Variants in NUFIP2 observed in about 807,000 individuals in gnomAD.
NUFIP2 encodes the protein FMR1-interacting protein NUFIP2.
A neutral mutation model predicts 56.9 loss-of-function variants in NUFIP2; 6 were observed. That is an observed-to-expected ratio of 0.11 (90% CI 0.06 to 0.21). The LOEUF is 0.21. Among genes scored for constraint, NUFIP2 ranks in the 10% least tolerant of loss-of-function variants. The pLI, the probability that NUFIP2 is intolerant of heterozygous loss-of-function variation, is 1.00. For missense variants in NUFIP2, 828 were observed against 826.8 expected (o/e 1.00, Z -0.02); for synonymous variants, 321 against 298.2 (o/e 1.08, Z -0.79).
chr17:29,291,377 C>A (rs1409990847), intron 1 of NUFIP2, among the ~76,000 whole-genome samples: 2 of 152,164 alleles, frequency 1.3e-5, no homozygotes, highest in African/African-American at 2.4e-5. Context: ...GGTTTGTGAG[C>A]AATGGATTAC....
At position 29,286,637 on chromosome 17, in the gene NUFIP2, C is replaced by A; in HGVS notation, c.1357G>T (p.Val453Phe). The A allele has an allele frequency of 1.2e-6, 2 of 1,614,148 alleles. No individual in the cohort carries two copies. Among genetic ancestry groups the A allele is most frequent in the South Asian group, 2.2e-5 (2 of 91,082 alleles). Residue 453 changes from valine to phenylalanine, a missense_variant, in exon 2 of 4, where the codon GTT (valine) becomes TTT (phenylalanine). Physicochemically the swap from Val to Phe is conservative, Grantham distance 50 (BLOSUM62 -1). Around this residue, in one of 3 missense-constraint regions of NUFIP2, gnomAD observed 404 missense variants for 380.3 expected, o/e 1.06. Transcript: ENST00000225388. ...LTPISSGTDS[V>F]LQDMSLTSAA... ...GAAGTTAGACTCATGTCCTGGAGAACTGAATCTGTCCCAGAAGAGATGGGT... is the reference window on the plus strand; with the variant it reads ...GAAGTTAGACTCATGTCCTGGAGAAATGAATCTGTCCCAGAAGAGATGGGT...
intron 3 of NUFIP2, 105 bp from the exon 4 acceptor site, chr17:29,264,696 T>A: frequency 6.1e-6 from 4 of 658,460 alleles, no homozygotes; most frequent in Non-Finnish European, 1.1e-5. Context: ...CCAATTTTTT[T>A]ATGAAAACAA....
At chr17:29,281,389 G>A (rs1335095957) in intron 2 of NUFIP2, among the ~76,000 whole-genome samples, 1 of 152,020 alleles carries the variant, frequency 6.6e-6, no homozygotes, top group African/African-American at 2.4e-5. Context: ...CTACTCAGGA[G>A]GCTGAGGCAG....
chr17:29,264,647 A>G lies in NUFIP2; in HGVS notation c.2036-56T>C. 3 of 1,115,724 alleles carry G rather than the reference A, an allele frequency of 2.7e-6. No homozygotes were observed. In the Admixed American group the frequency reaches 5.2e-5, roughly 19 times the overall value. The allele number at this position is 1,115,724 out of a possible 1,614,324, so 69.1% of individuals were successfully genotyped here. ...AGGTCTAGAATCTCAAAATGCCCGT[A>G]TTCCAATAACAATCCCAAATAACCA... is the stretch of plus-strand genomic sequence containing the variant. On this transcript the variant is annotated intron_variant, in intron 3 of 3. Coordinates refer to ENST00000225388, the MANE Select transcript of NUFIP2 (RefSeq NM_020772.3).
At chr17:29,277,731 G>A (rs1048703187) in intron 2 of NUFIP2, among the ~76,000 whole-genome samples, 3 of 151,994 alleles carry the variant, frequency 2.0e-5, no homozygotes, top group African/African-American at 7.3e-5. Context: ...CATGTTTTCC[G>A]GCCAGGTGCG....
rs1292562703 is a variant in NUFIP2 at position 29,290,665 on chromosome 17, AAAGAAAGAAAG to A, written c.278-2960_278-2950del. On this transcript the variant is annotated intron_variant, in intron 1 of 3. Transcript: ENST00000225388. ...TAAGGCTGTGTCTCAAAAAAAAAAAAAAGAAAGAAAGAAAGAAAGAAAGAAAAGCATAAAGT... is the reference window on the plus strand; with the variant it reads ...TAAGGCTGTGTCTCAAAAAAAAAAAAAAAGAAAGAAAGAAAAGCATAAAGT... 3.3e-5 allele frequency among the ~76,000 whole-genome samples: 3 copies of A among 90,094 alleles called. No homozygotes were observed. The East Asian group carries it at 1.3e-3, about 38-fold the overall frequency. The allele number at this position is 90,094 out of a possible 152,430, so 59.1% of individuals were successfully genotyped here.
rs776701751 is a variant in NUFIP2, at chr17:29,286,637, C to T, written c.1357G>A (p.Val453Ile). ...GAAGTTAGACTCATGTCCTGGAGAACTGAATCTGTCCCAGAAGAGATGGGT... is the reference window on the plus strand; with the variant it reads ...GAAGTTAGACTCATGTCCTGGAGAATTGAATCTGTCCCAGAAGAGATGGGT... ...LTPISSGTDSVLQDMSLTSAA... is the reference protein window; with the variant it reads ...LTPISSGTDSILQDMSLTSAA... Residue 453 changes from valine to isoleucine, a missense_variant, in exon 2 of 4, where the codon GTT becomes ATT. Around this residue, in one of 3 missense-constraint regions of NUFIP2, gnomAD observed 404 missense variants for 380.3 expected, o/e 1.06. Coordinates refer to ENST00000225388, the MANE Select transcript of NUFIP2 (RefSeq NM_020772.3). The T allele has an allele frequency of 1.2e-6, 2 of 1,614,030 alleles. No homozygotes were observed. Among genetic ancestry groups the T allele is most frequent in the Admixed American group, 1.7e-5 (1 of 59,992 alleles).
At chr17:29,275,735 G>T (rs1701812634) in intron 2 of NUFIP2, among the ~76,000 whole-genome samples, 1 of 151,988 alleles carries the variant, frequency 6.6e-6, no homozygotes, top group African/African-American at 2.4e-5. Context: ...CTTTAAAAAT[G>T]TAAATCTGAC....
chr17:29,293,762 C>T (rs753332068), intron 1 of NUFIP2, 21 bp downstream of exon 1: 6 of 1,539,330 alleles, frequency 3.9e-6, no homozygotes, highest in Non-Finnish European at 5.3e-6. Flanking sequence ...CCCCTTCCCC[C>T]ACCCGTCCTC....
rs1437667912 is a variant in NUFIP2 at position 29,264,127 on chromosome 17, G to C, written c.*412C>G. The C allele has an allele frequency of 6.6e-6, 1 of 152,648 alleles. No individual in the cohort carries two copies. The highest frequency in any genetic ancestry group is 2.4e-5 in the African/African-American group (1 of 41,436). The allele number at this position is 152,648 out of a possible 1,614,324, so 9.5% of individuals were successfully genotyped here. ...CACTTCAGTCACAGAACAAGATACA[G>C]AGATCTTTTAAGTGGATTTGCCTTT... On this transcript the variant is annotated 3_prime_UTR_variant, in exon 4 of 4. Transcript: ENST00000225388.
At chr17:29,292,795 C>T (rs1391638201) in intron 1 of NUFIP2, among the ~76,000 whole-genome samples, 1 of 149,004 alleles carries the variant, frequency 6.7e-6, no homozygotes, top group South Asian at 2.1e-4. Context: ...CGCTTCCCTC[C>T]CCCACCCCAA....
At chr17:29,283,888 T>C (rs2069154843) in intron 2 of NUFIP2, among the ~76,000 whole-genome samples, 1 of 152,226 alleles carries the variant, frequency 6.6e-6, no homozygotes. Context: ...GTAAATGTTA[T>C]CTGTGAGGAT....
At position 29,287,016 on chromosome 17, in the gene NUFIP2, A is replaced by G. The variant is rs754119367; in HGVS notation, c.978T>C (p.Ala326=). 9.9e-6 allele frequency: 16 copies of G among 1,614,228 alleles called. No homozygotes were observed. The highest frequency in any genetic ancestry group is 1.6e-4 in the Middle Eastern group (1 of 6,062). The stretch of plus-strand genomic sequence containing the variant: ...TCCACGAGTCCTCTTTGGAGGCAAC[A>G]GCTGAAGCATGCTTTCCTTTGGGCC... ...DDRPKGKHAS[A]VASKEDSWTL... is the part of the protein sequence containing the mutation. Residue 326 remains alanine, a synonymous_variant, in exon 2 of 4, where the codon GCT becomes GCC. Transcript: ENST00000225388.
chr17:29,284,154 C>A (rs1239727074), intron 2 of NUFIP2, among the ~76,000 whole-genome samples: 1 of 152,152 alleles, frequency 6.6e-6, no homozygotes, highest in Non-Finnish European at 1.5e-5. Flanking sequence ...TTGTAAGTCA[C>A]TGCCTAAATG....
At chr17:29,268,592 A>G (rs1214937295) in intron 2 of NUFIP2, among the ~76,000 whole-genome samples, 1 of 152,060 alleles carries the variant, frequency 6.6e-6, no homozygotes, top group Admixed American at 6.5e-5. Context: ...ATCTCGGCTC[A>G]CCGCAACATC....
At chr17:29,268,263 T>G (rs540129545) in intron 2 of NUFIP2, among the ~76,000 whole-genome samples, 1 of 152,308 alleles carries the variant, frequency 6.6e-6, no homozygotes, top group Non-Finnish European at 1.5e-5. Context: ...GCCAGAATAA[T>G]TTTGTCTTCA....
chr17:29,266,502 C>T (rs1208060940), intron 3 of NUFIP2, among the ~76,000 whole-genome samples: 1 of 151,872 alleles, frequency 6.6e-6, no homozygotes, highest in Non-Finnish European at 1.5e-5. Context: ...CTGAAATTCA[C>T]TTACATTAAT....
chr17:29,283,490 C>T (rs1461738112), intron 2 of NUFIP2, among the ~76,000 whole-genome samples: 1 of 152,072 alleles, frequency 6.6e-6, no homozygotes, highest in Non-Finnish European at 1.5e-5. Context: ...ACATTGTTGC[C>T]CAGGCTGGTC....
In NUFIP2 at chr17:29,294,032, G is replaced by T. The variant is rs1256002279; in HGVS notation, c.28C>A (p.Pro10Thr). The T allele has an allele frequency of 6.2e-7, 1 of 1,607,178 alleles. No individual in the cohort carries two copies. Among genetic ancestry groups the T allele is most frequent in the African/African-American group, 1.3e-5 (1 of 74,796 alleles). The change falls in exon 1 of 4, where the codon CCT becomes ACT. Residue 10 changes from proline to threonine, a missense_variant. Physicochemically the swap from Pro to Thr is conservative, Grantham distance 38. Transcript: ENST00000225388. ...TGGTGGTGGCTGTGATGGTGCTGAG[G>T]CTGTGGCTGGCCGGGCTTCTCCTCC... MEEKPGQPQPQHHHSHHHPH... is the reference protein window; with the variant it reads MEEKPGQPQTQHHHSHHHPH...
Sources: allele counts gnomAD v4.1 joint callset (sites outside exome capture counted in the v4.1 genomes callset), GRCh38; gene constraint gnomAD v4.1.1; regional missense constraint gnomAD v4.1.1; transcripts MANE v1.5; gene names NCBI Gene and HGNC (gene_info 2026-07-23, HGNC 2026-07-21).